Variants in ACBD6 observed in about 807,000 individuals in gnomAD.
ACBD6 encodes the protein acyl-CoA-binding domain-containing protein 6.
A neutral mutation model predicts 37.2 loss-of-function variants in ACBD6; 28 were observed. The ratio of observed to expected loss-of-function variants is 0.75; its 90% CI spans 0.56 to 1.03. The LOEUF (loss-of-function observed/expected upper bound fraction) is 1.03. Ranked by LOEUF, ACBD6 falls within the 50% of genes least tolerant of loss-of-function variation. The probability of loss-of-function intolerance (pLI) is 0.00; values close to 1 mark genes in which losing one functional copy is unlikely to be tolerated. For missense variants in ACBD6, 340 were observed against 337.4 expected (o/e 1.01, Z -0.06); for synonymous variants, 113 against 126.8 (o/e 0.89, Z 0.73).
chr1:180,392,294 A>C (rs915645825), intron 6 of ACBD6, among the ~76,000 whole-genome samples: 19 of 151,418 alleles, frequency 1.3e-4, no homozygotes, highest in African/African-American at 4.6e-4. Flanking sequence ...TATGTATGTA[A>C]AACACACTGT....
At chr1:180,384,132 AT>A (rs1571435643) in intron 6 of ACBD6, among the ~76,000 whole-genome samples, 1 of 142,546 alleles carries the variant, frequency 7.0e-6, no homozygotes, top group African/African-American at 2.7e-5. Context: ...GAAAGCAGAG[AT>A]TAAAAAAAAA....
intron 6 of ACBD6, among the ~76,000 whole-genome samples, 169 bp downstream of exon 6, chr1:180,397,347 C>T (rs577971525): frequency 4.6e-5 from 7 of 152,192 alleles, no homozygotes; most frequent in South Asian, 2.1e-4. Flanking sequence ...TTTTCTTTTG[C>T]GGTGACAACA....
At chr1:180,453,982 T>A (rs532504511) in intron 3 of ACBD6, among the ~76,000 whole-genome samples, 1 of 152,314 alleles carries the variant, frequency 6.6e-6, no homozygotes, top group Admixed American at 6.5e-5. Flanking sequence ...GCTATCCCCA[T>A]CAAGCTACCA....
At chr1:180,407,916 T>C (rs1032628877) in intron 5 of ACBD6, among the ~76,000 whole-genome samples, 1 of 152,212 alleles carries the variant, frequency 6.6e-6, no homozygotes, top group African/African-American at 2.4e-5. Flanking sequence ...AACTGTGACT[T>C]TGAAAAGTTA....
intron 3 of ACBD6, among the ~76,000 whole-genome samples, chr1:180,488,442 CG>C (rs1651362119): frequency 6.6e-6 from 1 of 152,124 alleles, no homozygotes; most frequent in South Asian, 2.1e-4. Flanking sequence ...ATTTTTTACA[CG>C]TATACATACA....
chr1:180,296,124 A>G (rs1649907994), intron 7 of ACBD6, among the ~76,000 whole-genome samples: 1 of 152,196 alleles, frequency 6.6e-6, no homozygotes, highest in South Asian at 2.1e-4. Context: ...TTGCTGATTT[A>G]GAAAAAGTCT....
intron 8 of ACBD6, among the ~76,000 whole-genome samples, chr1:180,282,112 C>G (rs1649330429): frequency 6.6e-6 from 1 of 152,132 alleles, no homozygotes; most frequent in Non-Finnish European, 1.5e-5. Context: ...TACACACAAA[C>G]TGGTATGTTA....
intron 6 of ACBD6, among the ~76,000 whole-genome samples, chr1:180,388,631 C>T (rs140134135): frequency 0.013 from 1,920 of 151,370 alleles, 22 homozygotes; most frequent in Non-Finnish European, 0.018. Context: ...TGTAGCAATA[C>T]AGAGTCACTA....
At chr1:180,419,759 AT>A (rs1159441962) in intron 4 of ACBD6, among the ~76,000 whole-genome samples, 1 of 152,202 alleles carries the variant, frequency 6.6e-6, no homozygotes, top group Admixed American at 6.5e-5. Context: ...ATATACATTC[AT>A]TAAGTGGAAG....
chr1:180,315,504 T>C (rs374663969), intron 6 of ACBD6, among the ~76,000 whole-genome samples: 2 of 152,210 alleles, frequency 1.3e-5, no homozygotes, highest in Non-Finnish European at 2.9e-5. Context: ...ATGGCCGTCA[T>C]GCCCCTGGTA....
At chr1:180,363,427 G>C (rs2101905816) in intron 6 of ACBD6, among the ~76,000 whole-genome samples, 1 of 152,274 alleles carries the variant, frequency 6.6e-6, no homozygotes, top group Non-Finnish European at 1.5e-5. Context: ...GAAAACAAAA[G>C]TATGGAAATT....
At chr1:180,434,592 C>A (rs1471033877) in intron 3 of ACBD6, among the ~76,000 whole-genome samples, 2 of 152,206 alleles carry the variant, frequency 1.3e-5, no homozygotes, top group Non-Finnish European at 2.9e-5. Context: ...ATATTCCTTT[C>A]TATTAATTCC....
chr1:180,476,450 A>C (rs1287099853), intron 3 of ACBD6, among the ~76,000 whole-genome samples: 1 of 152,230 alleles, frequency 6.6e-6, no homozygotes, highest in African/African-American at 2.4e-5. Context: ...GCCTATGCAC[A>C]CATATAGGCT....
At chr1:180,358,632 A>G (rs1226027089) in intron 6 of ACBD6, among the ~76,000 whole-genome samples, 3 of 152,146 alleles carry the variant, frequency 2.0e-5, no homozygotes, top group African/African-American at 7.2e-5. Flanking sequence ...TAAAAGAAAT[A>G]TATTTTGTCT....
intron 3 of ACBD6, among the ~76,000 whole-genome samples, chr1:180,478,378 C>T (rs1489642348): frequency 6.6e-6 from 1 of 152,116 alleles, no homozygotes; most frequent in Non-Finnish European, 1.5e-5. Context: ...CTATAGTCCA[C>T]TGAATTAAAC....
chr1:180,293,810 A>T (rs1649809032), intron 7 of ACBD6, among the ~76,000 whole-genome samples: 1 of 152,006 alleles, frequency 6.6e-6, no homozygotes, highest in Non-Finnish European at 1.5e-5. Context: ...CACAAGCATG[A>T]TCATAGTGCA....
intron 7 of ACBD6, among the ~76,000 whole-genome samples, chr1:180,311,498 C>T (rs1650592966): frequency 1.3e-5 from 2 of 152,104 alleles, no homozygotes; most frequent in African/African-American, 4.8e-5. Context: ...AGTGCAGTGG[C>T]ATAATCATGA....
intron 4 of ACBD6, among the ~76,000 whole-genome samples, chr1:180,421,011 C>CT (rs1358585133): frequency 6.6e-6 from 1 of 152,060 alleles, no homozygotes; most frequent in African/African-American, 2.4e-5. Flanking sequence ...CCTCTCTCCT[C>CT]AATGATTTTT....
chr1:180,412,623 T>C (rs1444035794), intron 5 of ACBD6, among the ~76,000 whole-genome samples: 1 of 152,106 alleles, frequency 6.6e-6, no homozygotes, highest in Non-Finnish European at 1.5e-5. Context: ...CCCAAAACTT[T>C]GGGAAGCTGA....
Sources: allele counts gnomAD v4.1 joint callset (sites outside exome capture counted in the v4.1 genomes callset), GRCh38; gene constraint gnomAD v4.1.1; transcripts MANE v1.5; gene names NCBI Gene and HGNC (gene_info 2026-07-23, HGNC 2026-07-21).